LMO7: variants seen among roughly 807,000 people sequenced by gnomAD.
LMO7 encodes the protein LIM domain only protein 7.
A neutral mutation model predicts 206.5 loss-of-function variants in LMO7; 120 were observed. That is an observed-to-expected ratio of 0.58 (90% CI 0.50 to 0.68). The LOEUF is 0.68. Ranked by LOEUF, LMO7 falls within the 30% of genes least tolerant of loss-of-function variation. LMO7 has a pLI of 0.00. For synonymous variants in LMO7, 706 were observed against 681.5 expected (o/e 1.04, Z -0.56); for missense variants, 1,959 against 1,957.9 (o/e 1.00, Z -0.01).
intron 6 of LMO7, among the ~76,000 whole-genome samples, chr13:75,798,734 C>T (rs572370272): frequency 6.6e-6 from 1 of 152,182 alleles, no homozygotes; most frequent in South Asian, 2.1e-4. Context: ...ATTAAACAAT[C>T]GTTGGTGGAA....
At chr13:75,777,676 C>T (rs1341128160) in intron 4 of LMO7, among the ~76,000 whole-genome samples, 9 of 133,668 alleles carry the variant, frequency 6.7e-5, no homozygotes, top group African/African-American at 1.4e-4. Context: ...GACAGAGTCT[C>T]GCTCTGTCAC....
chr13:75,794,147 T>A (rs2053662975), intron 4 of LMO7, among the ~76,000 whole-genome samples: 1 of 152,240 alleles, frequency 6.6e-6, no homozygotes, highest in South Asian at 2.1e-4. Context: ...TTAACATATA[T>A]AAGCGTTTAT....
At chr13:75,700,037 CAAG>C (rs2042175244) in intron 1 of LMO7, among the ~76,000 whole-genome samples, 1 of 152,216 alleles carries the variant, frequency 6.6e-6, no homozygotes, top group African/African-American at 2.4e-5. Context: ...TTCGCTTTTA[CAAG>C]AAGAGAAATA....
At chr13:75,831,544 G>T (rs915400024) in intron 15 of LMO7, among the ~76,000 whole-genome samples, 4 of 152,150 alleles carry the variant, frequency 2.6e-5, no homozygotes, top group Non-Finnish European at 5.9e-5. Context: ...TTGGCTCATG[G>T]TTCTGGTGGC....
chr13:75,851,627 G>T (rs2060510670), intron 27 of LMO7, among the ~76,000 whole-genome samples: 1 of 152,178 alleles, frequency 6.6e-6, no homozygotes, highest in Non-Finnish European at 1.5e-5. Flanking sequence ...AAAAATAAAT[G>T]TGACTAGGTA....
At chr13:75,728,233 C>A (rs2044691623) in intron 3 of LMO7, among the ~76,000 whole-genome samples, 1 of 152,150 alleles carries the variant, frequency 6.6e-6, no homozygotes, top group South Asian at 2.1e-4. Flanking sequence ...AGTTTACAGT[C>A]CCACCAACAG....
At chr13:75,667,508 A>G (rs776156576) in intron 1 of LMO7, among the ~76,000 whole-genome samples, 5 of 152,138 alleles carry the variant, frequency 3.3e-5, no homozygotes, top group Non-Finnish European at 5.9e-5. Context: ...TTCAGGGTCA[A>G]TGACTTGCTT....
intron 4 of LMO7, among the ~76,000 whole-genome samples, chr13:75,786,587 G>A (rs1015438758): frequency 5.9e-5 from 9 of 151,714 alleles, no homozygotes; most frequent in African/African-American, 9.7e-5. Context: ...GGGTTTCACC[G>A]TGTTAGCCAG....
chr13:75,720,261 A>T (rs2043906092), intron 2 of LMO7, among the ~76,000 whole-genome samples: 2 of 152,130 alleles, frequency 1.3e-5, no homozygotes, highest in Middle Eastern at 3.4e-3. Flanking sequence ...TTTTACAAAT[A>T]TTTTCTCTCA....
chr13:75,751,511 G>C (rs2047271817), intron 3 of LMO7, among the ~76,000 whole-genome samples: 1 of 152,018 alleles, frequency 6.6e-6, no homozygotes, highest in Non-Finnish European at 1.5e-5. Flanking sequence ...ACCCTTTCTG[G>C]GAATACCAGG....
intron 1 of LMO7, among the ~76,000 whole-genome samples, chr13:75,687,659 C>T (rs140315901): frequency 6.6e-6 from 1 of 152,070 alleles, no homozygotes; most frequent in East Asian, 1.9e-4. Flanking sequence ...AAATTAATGG[C>T]TTTTACAATG....
chr13:75,631,497 T>A (rs2034942343), upstream of LMO7: 1 of 152,180 alleles, frequency 6.6e-6, no homozygotes, highest in Admixed American at 6.5e-5. Context: ...ATTGGAGGTA[T>A]AAGATATTAA....
intron 1 of LMO7, among the ~76,000 whole-genome samples, chr13:75,670,766 C>T (rs539102928): frequency 7.6e-4 from 116 of 152,074 alleles, no homozygotes; most frequent in Non-Finnish European, 7.6e-4. Context: ...ACACTGTATA[C>T]TTACACTATA....
chr13:75,775,346 T>G (rs963076754), intron 4 of LMO7, among the ~76,000 whole-genome samples: 5 of 152,026 alleles, frequency 3.3e-5, no homozygotes, highest in Admixed American at 6.6e-5. Flanking sequence ...GGCCTGAAAC[T>G]ATAAAAATCC....
chr13:75,709,412 C>A (rs1297133628), intron 1 of LMO7, among the ~76,000 whole-genome samples: 18 of 152,034 alleles, frequency 1.2e-4, no homozygotes, highest in Non-Finnish European at 2.6e-4. Context: ...ACAGTCCCAC[C>A]ACCAGTGTAA....
At chr13:75,689,073 C>G (rs2139606232) in intron 1 of LMO7, 1 of 152,150 alleles carries the variant, frequency 6.6e-6, no homozygotes, top group South Asian at 2.1e-4. Context: ...TTTTTCTGGC[C>G]CATTTGGAAA....
At chr13:75,737,975 T>C (rs966370627) in intron 3 of LMO7, among the ~76,000 whole-genome samples, 2 of 151,754 alleles carry the variant, frequency 1.3e-5, no homozygotes, top group Non-Finnish European at 2.9e-5. Context: ...AATGGATTCC[T>C]TTTCTTTGAA....
chr13:75,777,031 C>T (rs2050601661), intron 4 of LMO7, among the ~76,000 whole-genome samples: 1 of 152,310 alleles, frequency 6.6e-6, no homozygotes, highest in Non-Finnish European at 1.5e-5. Flanking sequence ...GTGGCGTTTG[C>T]AATGTCAGCC....
At chr13:75,752,602 G>A (rs1182514218) in intron 3 of LMO7, among the ~76,000 whole-genome samples, 8 of 152,046 alleles carry the variant, frequency 5.3e-5, no homozygotes, top group Non-Finnish European at 1.2e-4. Context: ...TCCCCACAAT[G>A]CTGTGAGTCC....
Sources: gnomAD v4.1 joint callset for allele counts (sites outside exome capture counted in the v4.1 genomes callset) on GRCh38, gnomAD v4.1.1 for gene constraint, MANE v1.5 for transcripts, NCBI Gene and HGNC (gene_info 2026-07-23, HGNC 2026-07-21) for gene names.